The following PEX5L variants were observed in gnomAD, a reference collection of about 807,000 sequenced individuals.
PEX5L encodes the protein PEX5-related protein.
In PEX5L, 30 loss-of-function variants were observed where a neutral mutation model predicts 84.0. The ratio of observed to expected loss-of-function variants is 0.36; its 90% CI spans 0.27 to 0.48. The LOEUF is 0.48. Among genes scored for constraint, PEX5L ranks in the 20% least tolerant of loss-of-function variants. The pLI is 0.99. For missense variants in PEX5L, 533 were observed against 754.6 expected, an observed-to-expected ratio of 0.71 and a Z score of 3.44; for synonymous variants, 270 against 283.1, an observed-to-expected ratio of 0.95 and a Z score of 0.46.
chr3:179,881,384 G>C (rs544066375), intron 4 of PEX5L: 1 of 152,172 alleles, frequency 6.6e-6, no homozygotes, highest in Non-Finnish European at 1.5e-5. Flanking sequence ...CCAATTCCAA[G>C]TCACAGTGGT....
chr3:179,811,459 C>G (rs147945694), intron 11 of PEX5L, among the ~76,000 whole-genome samples: 226 of 152,220 alleles, frequency 1.5e-3, no homozygotes, highest in African/African-American at 5.1e-3. Context: ...GTCAGTACTC[C>G]ACTTATTTTT....
chr3:179,832,459 C>T (rs1200720875), intron 8 of PEX5L, among the ~76,000 whole-genome samples: 6 of 151,600 alleles, frequency 4.0e-5, no homozygotes, highest in Admixed American at 3.9e-4. Flanking sequence ...TACCCACCTA[C>T]CTACCTACCC....
chr3:180,020,570 T>C (rs1170408638), intron 1 of PEX5L, among the ~76,000 whole-genome samples: 1 of 152,128 alleles, frequency 6.6e-6, no homozygotes, highest in African/African-American at 2.4e-5. Flanking sequence ...ATGAGAAAAC[T>C]GAAACCCACA....
chr3:179,809,498 C>G lies in PEX5L; in HGVS notation c.1325G>C (p.Arg442Pro). Residue 442 changes from arginine to proline, a missense_variant, in exon 12 of 15, where the codon CGG (arginine) becomes CCG (proline). Around this residue, in one of 8 missense-constraint regions of PEX5L, gnomAD observed 63 missense variants for 60.2 expected, o/e 1.05. Transcript: ENST00000467460. ...KSKKGSPGLT[R>P]RMSKSPVDSS... ...ATCAACTGGGGACTTAGACATCCGCCGGGTGAGGCCTGGAGATCCCTTCTT... is the reference window on the plus strand; with the variant it reads ...ATCAACTGGGGACTTAGACATCCGCGGGGTGAGGCCTGGAGATCCCTTCTT... 6.2e-7 allele frequency: 1 copy of G among 1,613,972 alleles called. No individual in the cohort carries two copies. The highest frequency in any genetic ancestry group is 2.2e-5 in the East Asian group (1 of 44,878).
chr3:179,845,276 T>C (rs1738888146), intron 8 of PEX5L, among the ~76,000 whole-genome samples: 1 of 152,228 alleles, frequency 6.6e-6, no homozygotes, highest in African/African-American at 2.4e-5. Flanking sequence ...AGATAGGATA[T>C]CCCTATAAGT....
At chr3:179,837,218 T>C (rs1735292456) in intron 8 of PEX5L, among the ~76,000 whole-genome samples, 2 of 152,120 alleles carry the variant, frequency 1.3e-5, no homozygotes, top group African/African-American at 4.8e-5. Flanking sequence ...AACAATTCAA[T>C]AGAAATTTCA....
chr3:179,986,624 T>G (rs372289528), intron 1 of PEX5L, among the ~76,000 whole-genome samples: 29 of 152,126 alleles, frequency 1.9e-4, no homozygotes, highest in Middle Eastern at 6.8e-3. Context: ...GGATAGTCTC[T>G]ATCTCCTGAC....
rs1432142524 is a variant in PEX5L at position 179,870,391 on chromosome 3, TG to T, written c.726+3935del. Among the ~76,000 whole-genome samples, 4 of 152,160 alleles carry T rather than the reference TG, an allele frequency of 2.6e-5. No homozygotes were observed. In the East Asian group the frequency reaches 7.7e-4, roughly 29 times the overall value. On this transcript the variant is annotated intron_variant, in intron 7 of 14. Transcript: ENST00000467460. ...CACTCTGCACTCTTCAACCAGTTAG[TG>T]ATCTCTACACTTCTGCCCACTCCAA...
intron 10 of PEX5L, among the ~76,000 whole-genome samples, chr3:179,812,688 G>A (rs1724365904): frequency 6.6e-6 from 1 of 151,854 alleles, no homozygotes; most frequent in Non-Finnish European, 1.5e-5. Flanking sequence ...ATTTTTCTCT[G>A]TATACTCATA....
At chr3:179,842,006 A>C (rs1737512061) in intron 8 of PEX5L, among the ~76,000 whole-genome samples, 1 of 152,250 alleles carries the variant, frequency 6.6e-6, no homozygotes, top group African/African-American at 2.4e-5. Flanking sequence ...TAGTGGATTT[A>C]TGTAAAATGC....
chr3:179,842,887 G>A (rs942763300), intron 8 of PEX5L, among the ~76,000 whole-genome samples: 1 of 152,030 alleles, frequency 6.6e-6, no homozygotes, highest in Non-Finnish European at 1.5e-5. Context: ...GACTTGTTAG[G>A]TAAAGATTTG....
chr3:179,934,110 C>T (rs923217919), intron 2 of PEX5L, among the ~76,000 whole-genome samples: 1 of 152,184 alleles, frequency 6.6e-6, no homozygotes, highest in African/African-American at 2.4e-5. Context: ...CTTGCTGTTA[C>T]GTCCAGCCTG....
At chr3:179,907,664 T>C (rs1305662879) in intron 2 of PEX5L, among the ~76,000 whole-genome samples, 1 of 152,194 alleles carries the variant, frequency 6.6e-6, no homozygotes, top group African/African-American at 2.4e-5. Context: ...ATATTGTTAC[T>C]AAATTATTGA....
intron 1 of PEX5L, among the ~76,000 whole-genome samples, chr3:179,972,292 T>C (rs1219533951): frequency 6.6e-6 from 1 of 152,142 alleles, no homozygotes; most frequent in Non-Finnish European, 1.5e-5. Context: ...CACTTTTTTT[T>C]TTTTGGCATT....
chr3:179,830,718 G>T (rs9843113), intron 8 of PEX5L, among the ~76,000 whole-genome samples: 1,650 of 152,222 alleles, frequency 0.011, 30 homozygotes, highest in African/African-American at 0.038. Context: ...AGGATACTAG[G>T]CATTTGATCT....
chr3:179,925,391 C>T (rs1771149912), intron 2 of PEX5L, among the ~76,000 whole-genome samples: 1 of 152,042 alleles, frequency 6.6e-6, no homozygotes, highest in South Asian at 2.1e-4. Flanking sequence ...TTCTTTATGT[C>T]CATGCAAGTG....
At chr3:180,032,368 A>G (rs1161488336) in intron 1 of PEX5L, among the ~76,000 whole-genome samples, 2 of 152,166 alleles carry the variant, frequency 1.3e-5, no homozygotes, top group African/African-American at 4.8e-5. Flanking sequence ...CACTGACCAA[A>G]ACAACACAAC....
At chr3:179,900,818 C>A in intron 2 of PEX5L, 2 of 845,260 alleles carry the variant, frequency 2.4e-6, no homozygotes, top group Non-Finnish European at 1.9e-6. Flanking sequence ...TGCGATAATA[C>A]CCCATGAGCG....
intron 13 of PEX5L, 35 bp from the exon 14 acceptor site, chr3:179,807,866 T>TG: frequency 6.3e-7 from 1 of 1,585,222 alleles, no homozygotes; most frequent in African/African-American, 1.3e-5. Context: ...AACAACCCAG[T>TG]ACAAGGCACA....
Sources: allele counts gnomAD v4.1 joint callset (sites outside exome capture counted in the v4.1 genomes callset), GRCh38; gene constraint gnomAD v4.1.1; regional missense constraint gnomAD v4.1.1; transcripts MANE v1.5; gene names NCBI Gene and HGNC (gene_info 2026-07-23, HGNC 2026-07-21).